Variants in ABI3BP observed in about 807,000 individuals in gnomAD.
ABI3BP encodes target of Nesh-SH3.
A neutral mutation model predicts 268.6 loss-of-function variants in ABI3BP; 216 were observed. That is an observed-to-expected ratio of 0.80 (90% CI 0.72 to 0.90). The LOEUF (loss-of-function observed/expected upper bound fraction) is 0.90. Ranked by LOEUF, ABI3BP falls within the 40% of genes least tolerant of loss-of-function variation. The pLI is 0.00. For missense variants in ABI3BP, 2,090 were observed against 2,182.4 expected, an observed-to-expected ratio of 0.96 and a Z score of 0.84; for synonymous variants, 730 against 730.0, an observed-to-expected ratio of 1.00 and a Z score of 0.00.
intron 1 of ABI3BP, among the ~76,000 whole-genome samples, chr3:100,958,296 G>C (rs2077543280): frequency 1.3e-5 from 2 of 152,144 alleles, no homozygotes. Flanking sequence ...GAACAAAGAA[G>C]AGATAAAGTG....
rs753741511 is a variant in ABI3BP, at chr3:100,926,376, C to A, written c.185G>T (p.Gly62Val). The change falls in exon 2 of 68, where the codon GGA becomes GTA. Residue 62 changes from glycine (G) to valine (V), a missense_variant. Transcript: ENST00000471714. Reference protein sequence around the residue: ...PNVKLEGLLLGYGSNVSPNQY... With the variant: ...PNVKLEGLLLVYGSNVSPNQY... ...GTTTGGTGATACATTGCTGCCATATCCCAGGAGAAGACCTTCAAGCTTTAC... is the reference window on the plus strand; with the variant it reads ...GTTTGGTGATACATTGCTGCCATATACCAGGAGAAGACCTTCAAGCTTTAC... 2 of 1,613,542 alleles carry A rather than the reference C, an allele frequency of 1.2e-6. No homozygotes were observed. Among genetic ancestry groups the A allele is most frequent in the Admixed American group, 3.3e-5 (2 of 59,960 alleles).
intron 63 of ABI3BP, among the ~76,000 whole-genome samples, chr3:100,755,435 T>C (rs2095565497): frequency 6.6e-6 from 1 of 152,182 alleles, no homozygotes. Context: ...GATTCTATGA[T>C]GTCTCCAGAA....
At chr3:100,819,983 A>C (rs2098169319) in intron 40 of ABI3BP, among the ~76,000 whole-genome samples, 1 of 152,016 alleles carries the variant, frequency 6.6e-6, no homozygotes, top group African/African-American at 2.4e-5. Context: ...AGAATTAGTA[A>C]ATAAGATACA....
intron 38 of ABI3BP, among the ~76,000 whole-genome samples, chr3:100,821,848 G>A (rs1029312844): frequency 1.9e-4 from 29 of 151,838 alleles, no homozygotes; most frequent in Admixed American, 4.6e-4. Flanking sequence ...TGATCCACCC[G>A]CCTCTGCCTC....
intron 9 of ABI3BP, among the ~76,000 whole-genome samples, chr3:100,872,929 C>A (rs974410471): frequency 3.9e-5 from 6 of 152,100 alleles, no homozygotes; most frequent in African/African-American, 1.4e-4. Flanking sequence ...CACAAAACCA[C>A]AAAGATATAT....
At chr3:100,855,746 G>A (rs1367378345) in intron 14 of ABI3BP, among the ~76,000 whole-genome samples, 2 of 152,146 alleles carry the variant, frequency 1.3e-5, no homozygotes, top group Non-Finnish European at 2.9e-5. Flanking sequence ...GACATACCCT[G>A]TCATGGAAAT....
intron 14 of ABI3BP, among the ~76,000 whole-genome samples, chr3:100,853,713 C>T (rs925390704): frequency 7.2e-5 from 11 of 152,190 alleles, no homozygotes; most frequent in African/African-American, 2.7e-4. Context: ...AGGCTCCAAG[C>T]CAGGCATCCA....
chr3:100,933,765 G>A (rs2064731996), intron 1 of ABI3BP, among the ~76,000 whole-genome samples: 1 of 151,278 alleles, frequency 6.6e-6, no homozygotes, highest in Non-Finnish European at 1.5e-5. Context: ...GGAGACATAG[G>A]ATAGCCAAGA....
chr3:100,850,472 A>T (rs1302103469), intron 16 of ABI3BP, among the ~76,000 whole-genome samples, 188 bp downstream of exon 16: 1 of 152,264 alleles, frequency 6.6e-6, no homozygotes, highest in Non-Finnish European at 1.5e-5. Flanking sequence ...GCTCAAAAAA[A>T]TAAAATAGAG....
In ABI3BP at chr3:100,754,700, G is replaced by T; in HGVS notation, c.4851-9C>A. On this transcript the variant is annotated splice_polypyrimidine_tract_variant and intron_variant, in intron 63 of 67. Coordinates refer to ENST00000471714, the MANE Select transcript of ABI3BP (RefSeq NM_001375547.2). Reference sequence around the variant, plus strand: ...TCACCTGGAATTCATAACTGTTTAGGGGAAAATAAAAAAATACTTGTAATA... The same window carrying T: ...TCACCTGGAATTCATAACTGTTTAGTGGAAAATAAAAAAATACTTGTAATA... 1 of 1,569,050 alleles carries T rather than the reference G, an allele frequency of 6.4e-7. No individual in the cohort carries two copies. The highest frequency in any genetic ancestry group is 1.2e-5 in the South Asian group (1 of 85,212).
At chr3:100,864,343 C>A (rs562101487) in intron 11 of ABI3BP, 3 of 459,700 alleles carry the variant, frequency 6.5e-6, no homozygotes, top group Non-Finnish European at 1.2e-5. Context: ...GGAAAGAGAA[C>A]AACAAAGCAA....
In ABI3BP at chr3:100,866,948, C is replaced by T. The variant is rs113364496; in HGVS notation, c.919G>A (p.Glu307Lys). 0.01 allele frequency: 16,617 copies of T among 1,613,566 alleles called. 94 individuals are homozygous for T. The highest frequency in any genetic ancestry group is 0.012 in the Non-Finnish European group (14,126 of 1,179,620). Residue 307 changes from glutamate (E) to lysine (K), a missense_variant, in exon 10 of 68, where the codon GAA becomes AAA. Glu to Lys is a moderately conservative substitution (Grantham distance 56). Coordinates refer to ENST00000471714, the MANE Select transcript of ABI3BP (RefSeq NM_001375547.2). Reference sequence around the variant, plus strand: ...GATTCGGCAGGTAATGCCAAGGTTTCATTCTTAGCTAAAAAGTCAGAGAAC... The same window carrying T: ...GATTCGGCAGGTAATGCCAAGGTTTTATTCTTAGCTAAAAAGTCAGAGAAC... Reference protein sequence around the residue: ...DALKTQLAKNETLALPAESKT... With the variant: ...DALKTQLAKNKTLALPAESKT...
At chr3:100,811,616 G>T in intron 47 of ABI3BP, 112 bp downstream of exon 47, 2 of 1,097,180 alleles carry the variant, frequency 1.8e-6, no homozygotes, top group Non-Finnish European at 2.6e-6. Context: ...CTTCAAATCT[G>T]TTTAATTGTG....
chr3:100,871,930 G>A (rs1283608293), intron 9 of ABI3BP, among the ~76,000 whole-genome samples: 2 of 152,186 alleles, frequency 1.3e-5, no homozygotes, highest in Non-Finnish European at 2.9e-5. Flanking sequence ...TCAAACTCAT[G>A]GGTTTCAGTG....
intron 18 of ABI3BP, among the ~76,000 whole-genome samples, chr3:100,848,159 A>AACCAGAGT: frequency 6.6e-6 from 1 of 152,302 alleles, no homozygotes. Context: ...TCTATTTGAA[A>AACCAGAGT]ACCAGAGTCA....
At chr3:100,976,867 A>G (rs2086481260) in intron 1 of ABI3BP, among the ~76,000 whole-genome samples, 1 of 149,476 alleles carries the variant, frequency 6.7e-6, no homozygotes, top group Non-Finnish European at 1.5e-5. Context: ...CAGGACCAAT[A>G]CAGATCCACA....
chr3:100,864,278 GAGA>G (rs1430933836), intron 11 of ABI3BP: 1 of 561,122 alleles, frequency 1.8e-6, no homozygotes, highest in African/African-American at 1.9e-5. Context: ...TGGTGTGGCT[GAGA>G]AGATCAACAT....
chr3:100,846,501 G>T, intron 19 of ABI3BP, 55 bp from the exon 20 acceptor site: 1 of 1,292,850 alleles, frequency 7.7e-7, no homozygotes, highest in Non-Finnish European at 1.1e-6. Context: ...GCATTTCAGT[G>T]TCTAAAAACA....
chr3:100,783,228 G>A (rs985942402), intron 57 of ABI3BP, among the ~76,000 whole-genome samples: 1 of 152,150 alleles, frequency 6.6e-6, no homozygotes, highest in African/African-American at 2.4e-5. Flanking sequence ...CCACGGGCAG[G>A]GAGCCAGCAG....
Sources: gnomAD v4.1 joint callset for allele counts (sites outside exome capture counted in the v4.1 genomes callset) on GRCh38, gnomAD v4.1.1 for gene constraint, MANE v1.5 for transcripts, NCBI Gene and HGNC (gene_info 2026-07-23, HGNC 2026-07-21) for gene names.